Variants in TUBGCP3 observed in about 807,000 individuals in gnomAD.
TUBGCP3 encodes the protein tubulin gamma complex component 3, also known as gamma-tubulin complex component 3.
In TUBGCP3, 50 loss-of-function variants were observed where a neutral mutation model predicts 123.1. The ratio of observed to expected loss-of-function variants is 0.41; its 90% CI spans 0.32 to 0.51. The LOEUF (loss-of-function observed/expected upper bound fraction) is 0.51, where lower values mean the gene tolerates loss of function less well. Ranked by LOEUF, TUBGCP3 falls within the 20% of genes least tolerant of loss-of-function variation. The pLI, the probability that TUBGCP3 is intolerant of heterozygous loss-of-function variation, is 0.36. For synonymous variants in TUBGCP3, 405 were observed against 413.9 expected (o/e 0.98, Z 0.26); for missense variants, 882 against 1,127.0 (o/e 0.78, Z 3.11).
intron 11 of TUBGCP3, among the ~76,000 whole-genome samples, chr13:112,538,452 G>T (rs1216393144): frequency 6.6e-6 from 1 of 151,736 alleles, no homozygotes; most frequent in Admixed American, 6.6e-5. Flanking sequence ...TCAAATTTGG[G>T]TCTCTTTGCT....
intron 17 of TUBGCP3, among the ~76,000 whole-genome samples, chr13:112,514,920 A>C (rs561649030): frequency 1.3e-5 from 2 of 152,368 alleles, no homozygotes; most frequent in East Asian, 3.9e-4. Context: ...TGATGAAATC[A>C]TATGTACATG....
At chr13:112,585,939 T>TA (rs909993562) in intron 1 of TUBGCP3, among the ~76,000 whole-genome samples, 53 of 142,460 alleles carry the variant, frequency 3.7e-4, no homozygotes, top group East Asian at 1.6e-3. Flanking sequence ...ATCTTCAATG[T>TA]AAAAAAAAAA....
chr13:112,567,445 C>G lies in TUBGCP3; in HGVS notation c.184+1707G>C, dbSNP rs1204218111. Reference sequence around the variant, plus strand: ...GGAAATGGTCTGTTTATCACAGTACCTAATTGCTGGAGTCTTCAGTAATCA... The same window carrying G: ...GGAAATGGTCTGTTTATCACAGTACGTAATTGCTGGAGTCTTCAGTAATCA... On this transcript the variant is annotated intron_variant, in intron 2 of 21. Coordinates refer to ENST00000261965, the MANE Select transcript of TUBGCP3 (RefSeq NM_006322.6). Among the ~76,000 whole-genome samples the G allele has an allele frequency of 4.6e-5, 7 of 152,146 alleles. No homozygotes were observed. The South Asian group carries it at 8.3e-4, about 18-fold the overall frequency.
chr13:112,602,006 A>G, the TUBGCP3 span, among the ~76,000 whole-genome samples: 1 of 152,218 alleles, frequency 6.6e-6, no homozygotes, highest in Admixed American at 6.5e-5. Flanking sequence ...TCCAATCCTC[A>G]CAACAACTGA....
At chr13:112,492,018 T>C (rs1231901184) in intron 20 of TUBGCP3, among the ~76,000 whole-genome samples, 1 of 152,254 alleles carries the variant, frequency 6.6e-6, no homozygotes, top group Non-Finnish European at 1.5e-5. Flanking sequence ...AATCTTCTAC[T>C]ATATCACCTG....
At chr13:112,544,525 G>GAA (rs1878827650) in intron 11 of TUBGCP3, 1 of 149,012 alleles carries the variant, frequency 6.7e-6, no homozygotes, top group South Asian at 2.1e-4. Flanking sequence ...CCACGTTAGA[G>GAA]AAACTCATAA....
intron 11 of TUBGCP3, among the ~76,000 whole-genome samples, chr13:112,543,141 C>T (rs983867551): frequency 3.6e-4 from 55 of 152,110 alleles, no homozygotes; most frequent in Admixed American, 2.0e-4. Flanking sequence ...CAAAGCGAGA[C>T]TCCATCTCAA....
chr13:112,556,000 C>A, intron 6 of TUBGCP3, 52 bp downstream of exon 6: 1 of 1,554,756 alleles, frequency 6.4e-7, no homozygotes, highest in Admixed American at 1.8e-5. Flanking sequence ...TAAGGAGAGG[C>A]TGAATTCCAA....
intron 21 of TUBGCP3, among the ~76,000 whole-genome samples, chr13:112,488,208 A>G (rs1211304036): frequency 6.6e-6 from 1 of 151,446 alleles, no homozygotes; most frequent in African/African-American, 2.4e-5. Flanking sequence ...GTGCGGTCTC[A>G]CTTTCAATTT....
chr13:112,489,774 T>C (rs1879948882), intron 20 of TUBGCP3, 77 bp from the exon 21 acceptor site: 6 of 1,211,506 alleles, frequency 5.0e-6, no homozygotes, highest in Middle Eastern at 1.9e-4. Flanking sequence ...AAAACAGGTA[T>C]GTGAGGAGCA....
chr13:112,512,062 G>A (rs1881706052), intron 17 of TUBGCP3, among the ~76,000 whole-genome samples: 1 of 152,230 alleles, frequency 6.6e-6, no homozygotes, highest in South Asian at 2.1e-4. Flanking sequence ...AGTGTCTAGT[G>A]TACAAGCTCT....
upstream of TUBGCP3, among the ~76,000 whole-genome samples, chr13:112,588,596 GCGGGCCGGTCCCCCC>G (rs1473975229): frequency 2.0e-5 from 3 of 152,168 alleles, no homozygotes; most frequent in Non-Finnish European, 4.4e-5. Flanking sequence ...GCACTGCCGC[GCGGGCCGGTCCCCCC>G]CGGCCCGGGT....
the TUBGCP3 span, among the ~76,000 whole-genome samples, chr13:112,595,970 G>C: frequency 6.6e-6 from 1 of 151,944 alleles, no homozygotes; most frequent in African/African-American, 2.4e-5. Flanking sequence ...TCTTTTTTGA[G>C]GAGTTTCTTT....
intron 11 of TUBGCP3, among the ~76,000 whole-genome samples, chr13:112,529,054 T>C (rs967227954): frequency 2.0e-5 from 3 of 151,980 alleles, no homozygotes; most frequent in African/African-American, 7.3e-5. Context: ...GGTTTCACCA[T>C]GTTGCCCAGG....
intron 1 of TUBGCP3, among the ~76,000 whole-genome samples, chr13:112,578,773 GC>G (rs1882058966): frequency 6.6e-6 from 1 of 151,852 alleles, no homozygotes; most frequent in African/African-American, 2.4e-5. Flanking sequence ...CTTAGCGATG[GC>G]CCCCTGGACC....
chr13:112,491,696 G>A (rs917112658), intron 20 of TUBGCP3, among the ~76,000 whole-genome samples: 1 of 152,146 alleles, frequency 6.6e-6, no homozygotes, highest in Non-Finnish European at 1.5e-5. Context: ...ATATTGCCCA[G>A]GCAGCTCTCC....
At chr13:112,590,879 G>A (rs980282046), upstream of TUBGCP3, among the ~76,000 whole-genome samples, 1 of 152,182 alleles carries the variant, frequency 6.6e-6, no homozygotes, top group Non-Finnish European at 1.5e-5. Flanking sequence ...CCTAAGATCA[G>A]CCCTTATGGG....
At chr13:112,536,552 T>C (rs1458111062) in intron 11 of TUBGCP3, among the ~76,000 whole-genome samples, 2 of 152,228 alleles carry the variant, frequency 1.3e-5, no homozygotes, top group Non-Finnish European at 2.9e-5. Context: ...ATTTAGATGA[T>C]ATTTTAAATG....
chr13:112,544,236 A>C (rs182535917), intron 11 of TUBGCP3, among the ~76,000 whole-genome samples: 1 of 151,976 alleles, frequency 6.6e-6, no homozygotes, highest in Non-Finnish European at 1.5e-5. Context: ...GGCAGATCAC[A>C]AGGTCAGGAG....
Sources: allele counts gnomAD v4.1 joint callset (sites outside exome capture counted in the v4.1 genomes callset), GRCh38; gene constraint gnomAD v4.1.1; transcripts MANE v1.5; gene names NCBI Gene and HGNC (gene_info 2026-07-23, HGNC 2026-07-21).